The following GAB4 variants were observed in gnomAD, a reference collection of about 807,000 sequenced individuals.
GAB4 encodes GRB2 associated binding protein family member 4, also known as GRB2-associated-binding protein 4.
In GAB4, 26 loss-of-function variants were observed where a neutral mutation model predicts 51.3. That is an observed-to-expected ratio of 0.51 (90% CI 0.37 to 0.70). The LOEUF (loss-of-function observed/expected upper bound fraction) is 0.70. GAB4 is among the 30% of genes least tolerant of loss of function. The pLI, the probability that GAB4 is intolerant of heterozygous loss-of-function variation, is 0.00. For synonymous variants in GAB4, 329 were observed against 291.2 expected (o/e 1.13, Z -1.32); for missense variants, 759 against 734.6 (o/e 1.03, Z -0.38).
At chr22:16,994,593 G>A (rs919621338) in intron 1 of GAB4, among the ~76,000 whole-genome samples, 2 of 152,192 alleles carry the variant, frequency 1.3e-5, no homozygotes, top group African/African-American at 2.4e-5. Flanking sequence ...TGTAAATTAT[G>A]CAGCCGTATT....
Position 16,965,256 on chromosome 22 carries a change from G to C in GAB4, c.1301C>G (p.Pro434Arg), listed in dbSNP as rs202195757. 6.8e-6 allele frequency: 11 copies of C among 1,613,884 alleles called. No individual in the cohort carries two copies. Among genetic ancestry groups the C allele is most frequent in the Non-Finnish European group, 8.5e-6 (10 of 1,179,878 alleles). Residue 434 changes from proline (P) to arginine (R), a missense_variant, in exon 7 of 10, where the codon CCG becomes CGG. Transcript: ENST00000400588. ...GACCCTGTTGTTTCTCAGGTTGGGC[G>C]GTGTTGGGTTGGCTGGAGCAGGAAA... Reference protein sequence around the residue: ...LKPNQKANPTPPNLRNNRVIN... With the variant: ...LKPNQKANPTRPNLRNNRVIN...
At chr22:16,982,932 C>T (rs2060838663) in intron 3 of GAB4, among the ~76,000 whole-genome samples, 1 of 152,168 alleles carries the variant, frequency 6.6e-6, no homozygotes, top group African/African-American at 2.4e-5. Flanking sequence ...AAGCCCAGGG[C>T]ATAAAACCCC....
Position 16,962,471 on chromosome 22 carries a change from T to G in GAB4, c.*262A>C. 1.5e-5 allele frequency: 5 copies of G among 333,120 alleles called. No homozygotes were observed. Among genetic ancestry groups the G allele is most frequent in the South Asian group, 1.1e-4 (1 of 9,120 alleles). 20.6% of individuals were successfully genotyped at this position (333,120 alleles called of 1,614,324 possible). A position where few individuals can be genotyped will look rare whatever the true frequency, so the allele number is the denominator to read the frequency against. ...TGAGGACCATGAGTAAGTGTGAGAGTGGAAATCTGTTGGGAGCCCGGGTCT... is the reference window on the plus strand; with the variant it reads ...TGAGGACCATGAGTAAGTGTGAGAGGGGAAATCTGTTGGGAGCCCGGGTCT... On this transcript the variant is annotated 3_prime_UTR_variant, in exon 10 of 10. Coordinates refer to ENST00000400588, the MANE Select transcript of GAB4 (RefSeq NM_001037814.1).
At chr22:17,001,738 T>C (rs2060999117) in intron 1 of GAB4, among the ~76,000 whole-genome samples, 1 of 152,194 alleles carries the variant, frequency 6.6e-6, no homozygotes, top group African/African-American at 2.4e-5. Flanking sequence ...TTCAGAATTT[T>C]CAGCTTTTCC....
chr22:16,972,501 G>T (rs2060740400), intron 3 of GAB4, among the ~76,000 whole-genome samples: 1 of 152,196 alleles, frequency 6.6e-6, no homozygotes, highest in Non-Finnish European at 1.5e-5. Flanking sequence ...GCACTGAAGG[G>T]ATCAAGAGCT....
At chr22:16,969,581 C>A in intron 4 of GAB4, 1 of 502,780 alleles carries the variant, frequency 2.0e-6, no homozygotes. Flanking sequence ...CCTCCCCTCT[C>A]CCTCTGGGTC....
intron 1 of GAB4, among the ~76,000 whole-genome samples, chr22:17,003,142 A>G (rs534797734): frequency 4.1e-4 from 62 of 152,348 alleles, no homozygotes; most frequent in Admixed American, 1.4e-3. Flanking sequence ...TACCCTAAAT[A>G]TATATGCACC....
chr22:16,967,478 G>T (rs1363534624), intron 5 of GAB4: 1 of 152,456 alleles, frequency 6.6e-6, no homozygotes, highest in South Asian at 2.1e-4. Context: ...CAGATGTCTT[G>T]GCCCTGGAAG....
At chr22:16,963,154 T>A (rs560221997) in intron 9 of GAB4, among the ~76,000 whole-genome samples, 222 of 152,222 alleles carry the variant, frequency 1.5e-3, no homozygotes, top group African/African-American at 4.7e-3. Context: ...CCTTCCCCTC[T>A]AAACACTCAT....
intron 6 of GAB4, 31 bp downstream of exon 6, chr22:16,966,069 T>C: frequency 6.2e-7 from 1 of 1,607,946 alleles, no homozygotes; most frequent in South Asian, 1.1e-5. Context: ...TCCCTGGACA[T>C]TGTCAAGAAA....
At chr22:16,996,583 G>A (rs372746368) in intron 1 of GAB4, among the ~76,000 whole-genome samples, 12 of 152,274 alleles carry the variant, frequency 7.9e-5, no homozygotes, top group African/African-American at 2.9e-4. Context: ...CCCACAAAGA[G>A]AAGCCCATCA....
rs1173339199 is a variant in GAB4, at chr22:16,966,344, G to T, written c.1044C>A (p.Gly348=). 7.4e-6 allele frequency: 12 copies of T among 1,611,956 alleles called. No homozygotes were observed. The highest frequency in any genetic ancestry group is 1.0e-5 in the Non-Finnish European group (12 of 1,178,810). Residue 348 remains glycine, a synonymous_variant, in exon 6 of 10, where the codon GGC becomes GGA. Coordinates refer to ENST00000400588, the MANE Select transcript of GAB4 (RefSeq NM_001037814.1). The part of the protein sequence containing the change: ...CSFLPGRTLV[G]LSDSIASEGS... ...CCTCAGAAGCAATGCTGTCTGACAG[G>T]CCCACAAGCGTTCTTCCTGGCTAGG...
chr22:16,964,867 C>T lies in GAB4; in HGVS notation c.1380-5G>A. 1.2e-6 allele frequency: 2 copies of T among 1,612,188 alleles called. No homozygotes were observed. Among genetic ancestry groups the T allele is most frequent in the Non-Finnish European group, 1.7e-6 (2 of 1,178,542 alleles). The stretch of plus-strand genomic sequence containing the variant: ...GAGCTGGAGTCAAAGGTGTGGCTGT[C>T]ATGGGAAGAAGGCAAGGAGTACATC... On this transcript the variant is annotated splice_region_variant and splice_polypyrimidine_tract_variant and intron_variant, in intron 7 of 9. Transcript: ENST00000400588.
chr22:16,982,773 A>G (rs549154156), intron 3 of GAB4, among the ~76,000 whole-genome samples: 129 of 152,208 alleles, frequency 8.5e-4, no homozygotes, highest in Non-Finnish European at 1.6e-3. Flanking sequence ...GAGTGTTGGG[A>G]AAAAAGCTGA....
intron 6 of GAB4, 28 bp from the exon 7 acceptor site, chr22:16,965,296 A>G: frequency 2.5e-6 from 4 of 1,577,208 alleles, no homozygotes; most frequent in Non-Finnish European, 3.5e-6. Flanking sequence ...CCTTGTCATC[A>G]GCCAGTGATG....
intron 2 of GAB4, 142 bp from the exon 3 acceptor site, chr22:16,988,309 CTGGGG>C: frequency 3.0e-6 from 2 of 671,012 alleles, no homozygotes; most frequent in African/African-American, 1.8e-5. Context: ...CAGAGGAGGG[CTGGGG>C]CCTCCTGGCT....
chr22:16,980,909 C>T (rs866178423), intron 3 of GAB4, among the ~76,000 whole-genome samples: 3 of 151,860 alleles, frequency 2.0e-5, no homozygotes, highest in African/African-American at 7.3e-5. Flanking sequence ...ACCCTAGAAC[C>T]GAAAACCAAA....
At chr22:16,964,326 T>G (rs2060653373) in intron 8 of GAB4, among the ~76,000 whole-genome samples, 1 of 152,208 alleles carries the variant, frequency 6.6e-6, no homozygotes, top group Non-Finnish European at 1.5e-5. Flanking sequence ...CCAATATCTA[T>G]GCAGCAACTA....
chr22:16,978,826 A>T (rs959889904), intron 3 of GAB4, among the ~76,000 whole-genome samples: 4 of 152,328 alleles, frequency 2.6e-5, no homozygotes, highest in African/African-American at 9.6e-5. Context: ...TAAAAAGCTT[A>T]TCCACCATGA....
Sources: gnomAD v4.1 joint callset for allele counts (sites outside exome capture counted in the v4.1 genomes callset) on GRCh38, gnomAD v4.1.1 for gene constraint, MANE v1.5 for transcripts, NCBI Gene and HGNC (gene_info 2026-07-23, HGNC 2026-07-21) for gene names.